TTLL10: variants seen among roughly 807,000 people sequenced by gnomAD.
TTLL10 encodes tubulin tyrosine ligase like 10.
Under a neutral mutation model 69.0 loss-of-function variants are expected in TTLL10, and 61 were observed. That is an observed-to-expected ratio of 0.88 (90% CI 0.72 to 1.09). The LOEUF is 1.09. Ranked by LOEUF, TTLL10 falls within the 50% of genes least tolerant of loss-of-function variation. The pLI is 0.00. For synonymous variants in TTLL10, 408 were observed against 393.3 expected (o/e 1.04, Z -0.44); for missense variants, 962 against 945.9 (o/e 1.02, Z -0.22).
chr1:1,177,372 C>T (rs1646911282), intron 3 of TTLL10, among the ~76,000 whole-genome samples: 1 of 152,068 alleles, frequency 6.6e-6, no homozygotes, highest in Non-Finnish European at 1.5e-5. Flanking sequence ...AGTGCAGTGG[C>T]ACGATCTCAG....
intron 12 of TTLL10, 70 bp downstream of exon 12, chr1:1,184,161 A>T (rs1647175441): frequency 1.3e-6 from 2 of 1,593,404 alleles, no homozygotes; most frequent in Non-Finnish European, 8.6e-7. Context: ...TCTCACTGCT[A>T]GGGGGTGCAG....
intron 13 of TTLL10, among the ~76,000 whole-genome samples, chr1:1,189,339 C>G (rs1202369625): frequency 6.6e-6 from 1 of 152,208 alleles, no homozygotes; most frequent in African/African-American, 2.4e-5. Context: ...TGAAATCTGT[C>G]AAATGCTTTT....
At chr1:1,186,289 G>A (rs552899251) in intron 13 of TTLL10, among the ~76,000 whole-genome samples, 15 of 152,050 alleles carry the variant, frequency 9.9e-5, no homozygotes, top group African/African-American at 1.4e-4. Flanking sequence ...GGGTTTTGCC[G>A]TGTTGGCCAG....
intron 4 of TTLL10, 98 bp downstream of exon 4, chr1:1,179,431 G>A (rs113258684): frequency 2.3e-6 from 3 of 1,306,188 alleles, no homozygotes; most frequent in Non-Finnish European, 3.2e-6. Flanking sequence ...GGCCTCATGG[G>A]GCAGGGGCAG....
At chr1:1,189,405 G>T (rs79800260) in intron 13 of TTLL10, among the ~76,000 whole-genome samples, 16 of 152,296 alleles carry the variant, frequency 1.1e-4, no homozygotes, top group African/African-American at 3.6e-4. Flanking sequence ...TTAATGTGTT[G>T]TATCGCACTG....
intron 13 of TTLL10, among the ~76,000 whole-genome samples, chr1:1,190,439 T>G (rs1647684238): frequency 6.6e-6 from 1 of 151,844 alleles, no homozygotes; most frequent in East Asian, 1.9e-4. Context: ...TAATTTTTTT[T>G]TTTTTTGAGA....
In TTLL10 at chr1:1,197,496, G is replaced by A. The variant is rs1015319388; in HGVS notation, c.1671G>A (p.Leu557=). The A allele has an allele frequency of 2.6e-6, 4 of 1,544,882 alleles. No homozygotes were observed. The highest frequency in any genetic ancestry group is 3.5e-6 in the Non-Finnish European group (4 of 1,145,826). Residue 557 remains leucine (L), a synonymous_variant, in exon 16 of 16, where the codon CTG becomes CTA. Transcript: ENST00000379289. ...SLRGQKMLPL[L]SQRRFVLLHN... is the part of the protein sequence containing the mutation. ...GCGGCCAGAAGATGTTGCCTCTGCTGTCCCAGCGCCGCTTCGTGCTCCTGC... is the reference window on the plus strand; with the variant it reads ...GCGGCCAGAAGATGTTGCCTCTGCTATCCCAGCGCCGCTTCGTGCTCCTGC...
At chr1:1,177,375 G>T (rs1193270463) in intron 3 of TTLL10, among the ~76,000 whole-genome samples, 1 of 151,990 alleles carries the variant, frequency 6.6e-6, no homozygotes, top group Non-Finnish European at 1.5e-5. Context: ...GCAGTGGCAC[G>T]ATCTCAGCTC....
intron 8 of TTLL10, 91 bp downstream of exon 8, chr1:1,180,951 T>C: frequency 9.2e-7 from 1 of 1,090,250 alleles, no homozygotes; most frequent in Non-Finnish European, 1.2e-6. Context: ...CCCCTGCCCC[T>C]GCGCCCGCCC....
At chr1:1,192,124 T>C (rs1647841482) in intron 13 of TTLL10, among the ~76,000 whole-genome samples, 1 of 152,218 alleles carries the variant, frequency 6.6e-6, no homozygotes, top group Non-Finnish European at 1.5e-5. Flanking sequence ...GTTAGGTCTG[T>C]TTGGTTTATA....
At position 1,181,813 on chromosome 1, in the gene TTLL10, G is replaced by A. The variant is rs763766674; in HGVS notation, c.828G>A (p.Gln276=). ...PWTSPGYLRP[Q]RVLRMEEFFP... ...CAAGCCCAGGATACCTCAGGCCACA[G>A]AGGTAGACTCAGCCCAGCTGTGAGG... The change falls in exon 9 of 16, where the codon CAG becomes CAA. Residue 276 remains glutamine, a splice_region_variant and synonymous_variant. Coordinates refer to ENST00000379289, the MANE Select transcript of TTLL10 (RefSeq NM_001130045.2). The surrounding 1 kb of genome is among the most constrained non-coding windows in gnomAD (Gnocchi z 4.6). 1.6e-5 allele frequency: 26 copies of A among 1,605,526 alleles called. No homozygotes were observed. The East Asian group carries it at 5.4e-4, about 33-fold the overall frequency.
Position 1,180,870 on chromosome 1 carries a change from C to A in TTLL10, c.755+10C>A. 6.5e-7 allele frequency: 1 copy of A among 1,547,562 alleles called. No individual in the cohort carries two copies. Among genetic ancestry groups the A allele is most frequent in the Non-Finnish European group, 8.7e-7 (1 of 1,145,614 alleles). On this transcript the variant is annotated intron_variant, in intron 8 of 15. Transcript: ENST00000379289. Reference sequence around the variant, plus strand: ...GGGGGGTCCAGGCCAGGTGAGTCTGCCCCTGCCCCTGCCCCCGTCCCTGCG... The same window carrying A: ...GGGGGGTCCAGGCCAGGTGAGTCTGACCCTGCCCCTGCCCCCGTCCCTGCG...
chr1:1,183,545 C>T (rs930141675), intron 11 of TTLL10, among the ~76,000 whole-genome samples: 1 of 152,210 alleles, frequency 6.6e-6, no homozygotes, highest in Non-Finnish European at 1.5e-5. Flanking sequence ...TCCATCGGCT[C>T]CTCCCTCGCG....
In TTLL10 at chr1:1,181,604, C is replaced by T. The variant is rs537118859; in HGVS notation, c.756-137C>T. On this transcript the variant is annotated intron_variant, in intron 8 of 15. Transcript: ENST00000379289. This position sits in a 1 kb window ranked among gnomAD's most constrained non-coding sequence, Gnocchi z 4.6. ...CACAGCTGTTTCCCCCAGGCACCGC[C>T]GTCCACCCAGCCACCTCCTTCCACC... The T allele has an allele frequency of 6.2e-5, 46 of 743,536 alleles. No individual in the cohort carries two copies. The highest frequency in any genetic ancestry group is 4.3e-5 in the Non-Finnish European group (19 of 447,054). 46.1% of individuals were successfully genotyped at this position (743,536 alleles called of 1,614,324 possible). A position where few individuals can be genotyped will look rare whatever the true frequency, so the allele number is the denominator to read the frequency against.
chr1:1,195,500 C>CTTT (rs1168016636), intron 13 of TTLL10, among the ~76,000 whole-genome samples: 1 of 98,808 alleles, frequency 1.0e-5, no homozygotes, highest in Non-Finnish European at 1.9e-5. Flanking sequence ...CATCGTCATA[C>CTTT]TTTTTTTTTT....
At chr1:1,193,460 C>T (rs1228570564) in intron 13 of TTLL10, among the ~76,000 whole-genome samples, 1 of 151,662 alleles carries the variant, frequency 6.6e-6, no homozygotes, top group Non-Finnish European at 1.5e-5. Context: ...GAGATATTTT[C>T]TAGTGTAGCT....
chr1:1,178,280 C>T (rs1288340327), intron 3 of TTLL10, among the ~76,000 whole-genome samples: 2 of 152,326 alleles, frequency 1.3e-5, no homozygotes, highest in Admixed American at 1.3e-4. Flanking sequence ...CTCACCTAAG[C>T]CGGGCACAGT....
chr1:1,197,369 A>AC, intron 15 of TTLL10, 69 bp from the exon 16 acceptor site: 1 of 285,984 alleles, frequency 3.5e-6, no homozygotes, highest in Non-Finnish European at 5.9e-6. Flanking sequence ...CCCACCCCTC[A>AC]CACCCTCCCC....
In TTLL10 at chr1:1,185,329, C is replaced by T. The variant is rs1297759593; in HGVS notation, c.1401+220C>T. 23 of 1,383,484 alleles carry T rather than the reference C, an allele frequency of 1.7e-5. No homozygotes were observed. The highest frequency in any genetic ancestry group is 6.5e-5 in the Admixed American group (2 of 30,806). 85.7% of individuals were successfully genotyped at this position (1,383,484 alleles called of 1,614,324 possible). On this transcript the variant is annotated intron_variant, in intron 13 of 15. Transcript: ENST00000379289. This position sits in a 1 kb window ranked among gnomAD's most constrained non-coding sequence, Gnocchi z 6.1. The stretch of plus-strand genomic sequence containing the variant: ...CAAAGGCCCGGACGGAAAGCCCAGT[C>T]GGGGGTCTGTCGGCACGAGTCCCGC...
Sources: allele counts gnomAD v4.1 joint callset (sites outside exome capture counted in the v4.1 genomes callset), GRCh38; gene constraint gnomAD v4.1.1; non-coding constraint Gnocchi (gnomAD v3.1); transcripts MANE v1.5; gene names NCBI Gene and HGNC (gene_info 2026-07-23, HGNC 2026-07-21).